The following CLMN variants were observed in gnomAD, a reference collection of about 807,000 sequenced individuals.
CLMN encodes calmin.
Under a neutral mutation model 92.7 loss-of-function variants are expected in CLMN, and 57 were observed. That is an observed-to-expected ratio of 0.61 (90% confidence interval 0.50 to 0.77). CLMN has a LOEUF of 0.77. Among genes scored for constraint, CLMN ranks in the 30% least tolerant of loss-of-function variants. The probability of loss-of-function intolerance (pLI) is 0.00; values close to 1 mark genes in which losing one functional copy is unlikely to be tolerated. For missense variants in CLMN, 1,158 were observed against 1,237.5 expected (o/e 0.94, Z 0.96); for synonymous variants, 466 against 470.6 (o/e 0.99, Z 0.13).
At position 95,203,434 on chromosome 14, in the gene CLMN, C is replaced by T. The variant is rs771667104; in HGVS notation, c.1915G>A (p.Ala639Thr). 7 of 1,614,148 alleles carry T rather than the reference C, an allele frequency of 4.3e-6. No individual in the cohort carries two copies. The highest frequency in any genetic ancestry group is 5.9e-6 in the Non-Finnish European group (7 of 1,180,028). Residue 639 changes from alanine (A) to threonine (T), a missense_variant, in exon 9 of 13, where the codon GCT becomes ACT. Transcript: ENST00000298912. Reference protein sequence around the residue: ...HEPHQDSGEEAEGCPSAPEET... With the variant: ...HEPHQDSGEETEGCPSAPEET... ...TCTGGGGCTGAAGGACAGCCTTCAG[C>T]TTCTTCTCCGGAGTCCTGATGAGGT...
chr14:95,233,766 G>A (rs1183182507), intron 1 of CLMN, among the ~76,000 whole-genome samples: 3 of 152,174 alleles, frequency 2.0e-5, no homozygotes, highest in Non-Finnish European at 4.4e-5. Flanking sequence ...ACAAGGCGGG[G>A]GGTGGCCACA....
intron 1 of CLMN, among the ~76,000 whole-genome samples, chr14:95,302,834 A>T (rs1901116158): frequency 6.6e-6 from 1 of 152,314 alleles, no homozygotes; most frequent in Non-Finnish European, 1.5e-5. Flanking sequence ...CTAAAATTCA[A>T]ATCTGGGCCT....
At chr14:95,242,574 C>CTTTTTTTTTTTTTT (rs1555390026) in intron 1 of CLMN, among the ~76,000 whole-genome samples, 4 of 119,856 alleles carry the variant, frequency 3.3e-5, no homozygotes, top group East Asian at 2.6e-4. Context: ...ATCTCTTTTT[C>CTTTTTTTTTTTTTT]TTTTTTTTTG....
chr14:95,313,706 G>A (rs1487727658), intron 1 of CLMN, among the ~76,000 whole-genome samples: 1 of 151,476 alleles, frequency 6.6e-6, no homozygotes, highest in African/African-American at 2.4e-5. Flanking sequence ...GGAACAGGGA[G>A]TTCACTTTTA....
intron 1 of CLMN, among the ~76,000 whole-genome samples, chr14:95,303,377 G>A (rs945435781): frequency 2.0e-5 from 3 of 152,186 alleles, no homozygotes; most frequent in African/African-American, 4.8e-5. Context: ...GATGGTGAGC[G>A]GGGTGTCAAA....
At chr14:95,261,433 G>A (rs927741604) in intron 1 of CLMN, among the ~76,000 whole-genome samples, 1 of 152,180 alleles carries the variant, frequency 6.6e-6, no homozygotes, top group African/African-American at 2.4e-5. Flanking sequence ...TTGTAAACTG[G>A]TCTACTCTCT....
Position 95,200,551 on chromosome 14 carries a change from T to A in CLMN, c.2511+2287A>T, listed in dbSNP as rs577840591. Among the ~76,000 whole-genome samples the A allele has an allele frequency of 7.9e-5, 12 of 152,284 alleles. No individual in the cohort carries two copies. In the South Asian group the frequency reaches 2.5e-3, roughly 32 times the overall value. ...CCAATGTGGTTTCGGACTCACCTCCTGGATCCCCAGTGCCGTAGCAGGACG... is the reference window on the plus strand; with the variant it reads ...CCAATGTGGTTTCGGACTCACCTCCAGGATCCCCAGTGCCGTAGCAGGACG... On this transcript the variant is annotated intron_variant, in intron 9 of 12. Transcript: ENST00000298912.
chr14:95,290,949 C>T (rs1900540520), intron 1 of CLMN, among the ~76,000 whole-genome samples: 1 of 152,182 alleles, frequency 6.6e-6, no homozygotes, highest in Admixed American at 6.5e-5. Flanking sequence ...AGCTCCTGTG[C>T]TTGCAGCAGA....
intron 1 of CLMN, among the ~76,000 whole-genome samples, chr14:95,311,774 C>T (rs561540550): frequency 1.3e-5 from 2 of 152,240 alleles, no homozygotes; most frequent in East Asian, 3.9e-4. Context: ...GCTCCCCTAC[C>T]CTGTGGGTTC....
chr14:95,231,373 T>C (rs1171859977), intron 1 of CLMN, among the ~76,000 whole-genome samples: 1 of 152,044 alleles, frequency 6.6e-6, no homozygotes, highest in Non-Finnish European at 1.5e-5. Context: ...ATTTTTGTTG[T>C]ATTTTTAGTA....
chr14:95,223,410 G>A (rs1161893497), intron 3 of CLMN, among the ~76,000 whole-genome samples: 1 of 152,164 alleles, frequency 6.6e-6, no homozygotes. Flanking sequence ...GCCTTAGGGT[G>A]GTTGATAAAA....
intron 1 of CLMN, among the ~76,000 whole-genome samples, chr14:95,232,455 A>T (rs1897920652): frequency 6.6e-6 from 1 of 152,220 alleles, no homozygotes; most frequent in Non-Finnish European, 1.5e-5. Flanking sequence ...ATTATTTGGC[A>T]GAATGTGGCA....
chr14:95,293,505 A>G (rs1166268357), intron 1 of CLMN, among the ~76,000 whole-genome samples: 4 of 151,406 alleles, frequency 2.6e-5, no homozygotes, highest in Non-Finnish European at 5.9e-5. Flanking sequence ...ACATATCTTG[A>G]GGCCTCCCTA....
intron 1 of CLMN, among the ~76,000 whole-genome samples, chr14:95,257,277 G>A (rs1043848940): frequency 5.9e-5 from 9 of 152,144 alleles, no homozygotes; most frequent in Admixed American, 3.3e-4. Flanking sequence ...GCATCTAGAC[G>A]GGGACCTGTT....
rs953651317 is a variant in CLMN, at chr14:95,187,273, T to C, written c.*4291A>G. Reference sequence around the variant, plus strand: ...CTGTTTCTTCCCTCATGAAACCCCATGAAAATAGGAGCAGAGGAATGAAAG... The same window carrying C: ...CTGTTTCTTCCCTCATGAAACCCCACGAAAATAGGAGCAGAGGAATGAAAG... On this transcript the variant is annotated 3_prime_UTR_variant, in exon 13 of 13. Coordinates refer to ENST00000298912, the MANE Select transcript of CLMN (RefSeq NM_024734.4). The C allele has an allele frequency of 1.3e-5, 2 of 152,090 alleles. No homozygotes were observed. The highest frequency in any genetic ancestry group is 2.4e-5 in the African/African-American group (1 of 41,368). 9.4% of individuals were successfully genotyped at this position (152,090 alleles called of 1,614,324 possible).
chr14:95,292,032 G>A (rs550485151), intron 1 of CLMN, among the ~76,000 whole-genome samples: 25 of 152,320 alleles, frequency 1.6e-4, no homozygotes, highest in Middle Eastern at 3.4e-3. Flanking sequence ...GTGTTCCCAC[G>A]TCCTCATCTG....
At chr14:95,251,515 C>T (rs1246826138) in intron 1 of CLMN, among the ~76,000 whole-genome samples, 1 of 152,182 alleles carries the variant, frequency 6.6e-6, no homozygotes, top group African/African-American at 2.4e-5. Flanking sequence ...TCATTGTATA[C>T]CCTTGAGTGT....
chr14:95,221,759 A>G lies in CLMN; in HGVS notation c.256T>C (p.Ser86Pro), dbSNP rs749418545. The change falls in exon 4 of 13, where the codon TCC becomes CCC. Residue 86 changes from serine (S) to proline (P), a missense_variant. Transcript: ENST00000298912. ...AACCGAAAAATACGATGCGACGAGG[A>G]TTTGTATTCGTGCAGCTATAAAACA... is the stretch of plus-strand genomic sequence containing the variant. ...SGRNLLHEYK[S>P]SSHRIFRLNN... The G allele has an allele frequency of 3.7e-6, 6 of 1,614,198 alleles. No individual in the cohort carries two copies. Among genetic ancestry groups the G allele is most frequent in the Non-Finnish European group, 5.1e-6 (6 of 1,180,032 alleles).
intron 5 of CLMN, 105 bp from the exon 6 acceptor site, chr14:95,213,514 A>C (rs1351628332): frequency 9.6e-7 from 1 of 1,043,846 alleles, no homozygotes; most frequent in Non-Finnish European, 1.4e-6. Flanking sequence ...GGACCGGCTC[A>C]GGCAGGATTG....
Sources: allele counts gnomAD v4.1 joint callset (sites outside exome capture counted in the v4.1 genomes callset), GRCh38; gene constraint gnomAD v4.1.1; transcripts MANE v1.5; gene names NCBI Gene and HGNC (gene_info 2026-07-23, HGNC 2026-07-21).